The following SMOC1 variants were observed in gnomAD, a reference collection of about 807,000 sequenced individuals.
SMOC1 encodes the protein SPARC related modular calcium binding 1, also known as SPARC-related modular calcium-binding protein 1.
In SMOC1, 22 loss-of-function variants were observed where a neutral mutation model predicts 56.3. That is an observed-to-expected ratio of 0.39 (90% CI 0.28 to 0.56). The LOEUF (loss-of-function observed/expected upper bound fraction) is 0.56. Ranked by LOEUF, SMOC1 falls within the 20% of genes least tolerant of loss-of-function variation. The pLI is 0.61. For synonymous variants in SMOC1, 193 were observed against 215.0 expected (o/e 0.90, Z 0.89); for missense variants, 509 against 565.4 (o/e 0.90, Z 1.01).
rs537498586 is a variant in SMOC1 at position 69,914,396 on chromosome 14, T to A, written c.99+34619T>A. On this transcript the variant is annotated intron_variant, in intron 1 of 11. Coordinates refer to ENST00000361956, the MANE Select transcript of SMOC1 (RefSeq NM_001034852.3). ...AAATAAAGCCTTATATTTACAAAAA[T>A]GGGGAGCTGGGCCAGATTTGTGCAC... is the stretch of plus-strand genomic sequence containing the variant. Among the ~76,000 whole-genome samples, 7 of 152,296 alleles carry A rather than the reference T, an allele frequency of 4.6e-5. No individual in the cohort carries two copies. In the South Asian group the frequency reaches 1.5e-3, roughly 32 times the overall value.
At chr14:69,886,297 G>C (rs990714890) in intron 1 of SMOC1, among the ~76,000 whole-genome samples, 1 of 152,208 alleles carries the variant, frequency 6.6e-6, no homozygotes, top group Non-Finnish European at 1.5e-5. Context: ...TTTCATGCAT[G>C]ATCTGTTTTG....
At chr14:69,942,509 C>A (rs1308561798) in intron 1 of SMOC1, among the ~76,000 whole-genome samples, 1 of 152,048 alleles carries the variant, frequency 6.6e-6, no homozygotes, top group African/African-American at 2.4e-5. Context: ...AGTTGTGTAA[C>A]CACTACCATA....
intron 7 of SMOC1, among the ~76,000 whole-genome samples, chr14:70,005,156 C>A (rs1264311032): frequency 6.6e-6 from 1 of 152,076 alleles, no homozygotes; most frequent in African/African-American, 2.4e-5. Context: ...TGTTTTTTGG[C>A]CATTTTTGCT....
At chr14:69,904,058 G>A (rs1301531526) in intron 1 of SMOC1, among the ~76,000 whole-genome samples, 1 of 152,158 alleles carries the variant, frequency 6.6e-6, no homozygotes, top group East Asian at 1.9e-4. Flanking sequence ...GCACTGGGGG[G>A]CCCAGGTGAA....
chr14:70,003,616 A>T (rs17175109), intron 7 of SMOC1, among the ~76,000 whole-genome samples: 1 of 152,052 alleles, frequency 6.6e-6, no homozygotes, highest in Non-Finnish European at 1.5e-5. Context: ...TGGCTCTCCT[A>T]TGGCCACCAG....
In SMOC1 at chr14:69,978,661, G is replaced by A. The variant is rs565544129; in HGVS notation, c.526+696G>A. Reference sequence around the variant, plus strand: ...TTTTCTTTATCTAGGACAATACTAAGTAGCAAATTAAAATAACACCGTGAC... The same window carrying A: ...TTTTCTTTATCTAGGACAATACTAAATAGCAAATTAAAATAACACCGTGAC... On this transcript the variant is annotated intron_variant, in intron 5 of 11. Coordinates refer to ENST00000361956, the MANE Select transcript of SMOC1 (RefSeq NM_001034852.3). Among the ~76,000 whole-genome samples, 20 of 152,226 alleles carry A rather than the reference G, an allele frequency of 1.3e-4. No homozygotes were observed. In the South Asian group the frequency reaches 4.1e-3, roughly 32 times the overall value.
intron 1 of SMOC1, among the ~76,000 whole-genome samples, chr14:69,893,124 G>A (rs369947710): frequency 5.9e-5 from 9 of 151,920 alleles, no homozygotes; most frequent in Non-Finnish European, 1.2e-4. Context: ...TATATTTCTC[G>A]TAAAATGATA....
intron 1 of SMOC1, chr14:69,885,514 T>C (rs879069493): frequency 1.9e-5 from 31 of 1,599,294 alleles, no homozygotes; most frequent in Admixed American, 1.0e-4. Flanking sequence ...CTTTGTCTTC[T>C]GAGTTCACCT....
chr14:69,907,961 C>T (rs1041171803), intron 1 of SMOC1, among the ~76,000 whole-genome samples: 10 of 152,206 alleles, frequency 6.6e-5, no homozygotes. Context: ...ACCTAATCAC[C>T]TCCCAAAGGC....
intron 3 of SMOC1, among the ~76,000 whole-genome samples, chr14:69,967,455 AC>A (rs1425898138): frequency 6.6e-6 from 1 of 151,356 alleles, no homozygotes; most frequent in African/African-American, 2.4e-5. Context: ...CCTTCTTAAA[AC>A]ATTATGAGAT....
At chr14:69,902,745 T>G (rs983161344) in intron 1 of SMOC1, among the ~76,000 whole-genome samples, 1 of 152,250 alleles carries the variant, frequency 6.6e-6, no homozygotes, top group Non-Finnish European at 1.5e-5. Flanking sequence ...GCCTGCCGAG[T>G]GCCTGCGATT....
intron 3 of SMOC1, among the ~76,000 whole-genome samples, chr14:69,972,206 C>T (rs1883786058): frequency 6.6e-6 from 1 of 152,066 alleles, no homozygotes; most frequent in South Asian, 2.1e-4. Context: ...TGCTGGAAGG[C>T]CGGCTGCAGA....
At chr14:69,923,740 G>T (rs751738616) in intron 1 of SMOC1, among the ~76,000 whole-genome samples, 8 of 152,198 alleles carry the variant, frequency 5.3e-5, no homozygotes, top group Non-Finnish European at 1.2e-4. Context: ...TTTTCTAGCT[G>T]CAGACAGTAC....
chr14:69,982,037 C>T (rs1193527158), intron 5 of SMOC1, among the ~76,000 whole-genome samples: 3 of 152,118 alleles, frequency 2.0e-5, no homozygotes, highest in Non-Finnish European at 4.4e-5. Flanking sequence ...TCTGGCAGTT[C>T]TCTGTGAGCT....
intron 5 of SMOC1, among the ~76,000 whole-genome samples, chr14:69,989,057 A>G (rs1024034310): frequency 6.6e-5 from 10 of 152,204 alleles, no homozygotes; most frequent in African/African-American, 2.2e-4. Context: ...GATGGATTCT[A>G]GGAGTGGAAT....
chr14:69,969,392 T>C (rs1307185492), intron 3 of SMOC1, among the ~76,000 whole-genome samples: 2 of 152,072 alleles, frequency 1.3e-5, no homozygotes, highest in Non-Finnish European at 2.9e-5. Flanking sequence ...TCAGGAAACT[T>C]ACAATCATGG....
chr14:69,902,571 G>T (rs1329321904), intron 1 of SMOC1, among the ~76,000 whole-genome samples: 2 of 152,082 alleles, frequency 1.3e-5, no homozygotes, highest in Non-Finnish European at 2.9e-5. Context: ...CCTCTGCCCT[G>T]AGACCACCCT....
chr14:69,932,792 G>A (rs1261421871), intron 1 of SMOC1, among the ~76,000 whole-genome samples: 1 of 152,142 alleles, frequency 6.6e-6, no homozygotes, highest in Non-Finnish European at 1.5e-5. Context: ...AGTGGGCGGG[G>A]GGTGCAGAGC....
intron 1 of SMOC1, among the ~76,000 whole-genome samples, chr14:69,923,193 C>T (rs1478586270): frequency 2.0e-5 from 3 of 152,162 alleles, no homozygotes; most frequent in African/African-American, 7.2e-5. Flanking sequence ...GATCCACCTG[C>T]CTTGGCCTCC....
Sources: allele counts gnomAD v4.1 joint callset (sites outside exome capture counted in the v4.1 genomes callset), GRCh38; gene constraint gnomAD v4.1.1; transcripts MANE v1.5; gene names NCBI Gene and HGNC (gene_info 2026-07-23, HGNC 2026-07-21).